SLC4A8: variants seen among roughly 807,000 people sequenced by gnomAD.
SLC4A8 encodes the protein electroneutral sodium bicarbonate exchanger 1.
Under a neutral mutation model 125.0 loss-of-function variants are expected in SLC4A8, and 40 were observed. That is an observed-to-expected ratio of 0.32 (90% CI 0.25 to 0.42). SLC4A8 has a LOEUF of 0.42. Ranked by LOEUF, SLC4A8 falls within the 10% of genes least tolerant of loss-of-function variation. The pLI is 1.00. For synonymous variants in SLC4A8, 456 were observed against 476.0 expected, an observed-to-expected ratio of 0.96 and a Z score of 0.55; for missense variants, 863 against 1,355.1, an observed-to-expected ratio of 0.64 and a Z score of 5.70.
intron 5 of SLC4A8, 64 bp downstream of exon 5, chr12:51,453,763 G>A: frequency 1.3e-6 from 2 of 1,489,542 alleles, no homozygotes; most frequent in Admixed American, 1.8e-5. Flanking sequence ...GGGAAAAAAG[G>A]AGTGTGGCGT....
chr12:51,469,811 A>G (rs1260650102), intron 12 of SLC4A8, 23 bp downstream of exon 12: 3 of 1,611,262 alleles, frequency 1.9e-6, no homozygotes, highest in Admixed American at 3.3e-5. Context: ...AACCACTTCT[A>G]ATGATCCCAA....
intron 1 of SLC4A8, among the ~76,000 whole-genome samples, chr12:51,429,709 A>G (rs55917660): frequency 0.073 from 11,110 of 151,300 alleles, 503 homozygotes; most frequent in East Asian, 0.21. Context: ...GAGTCTCACT[A>G]TGTTGCCTGG....
intron 1 of SLC4A8, among the ~76,000 whole-genome samples, chr12:51,414,048 C>T (rs1249846181): frequency 6.6e-6 from 1 of 152,082 alleles, no homozygotes; most frequent in Non-Finnish European, 1.5e-5. Flanking sequence ...TCTTCCCATC[C>T]ATGAGCAGGA....
At chr12:51,472,053 C>T (rs1032597564) in intron 14 of SLC4A8, among the ~76,000 whole-genome samples, 6 of 152,154 alleles carry the variant, frequency 3.9e-5, no homozygotes, top group Non-Finnish European at 8.8e-5. Context: ...GATCCAGGAG[C>T]CTACTTACTT....
intron 2 of SLC4A8, among the ~76,000 whole-genome samples, chr12:51,447,139 G>A (rs1444224801): frequency 2.0e-5 from 3 of 151,166 alleles, no homozygotes; most frequent in African/African-American, 7.3e-5. Context: ...CGGTGGTAAT[G>A]ATCATAGCTC....
intron 1 of SLC4A8, among the ~76,000 whole-genome samples, chr12:51,437,674 A>T (rs1005543768): frequency 5.3e-5 from 8 of 152,240 alleles, no homozygotes; most frequent in African/African-American, 1.9e-4. Flanking sequence ...TTTTCTTAAT[A>T]AATTACCCAG....
chr12:51,402,124 G>T (rs977116523), intron 1 of SLC4A8, among the ~76,000 whole-genome samples: 1 of 152,124 alleles, frequency 6.6e-6, no homozygotes, highest in African/African-American at 2.4e-5. Context: ...TGATATATGT[G>T]TGTTATGCAA....
intron 1 of SLC4A8, among the ~76,000 whole-genome samples, chr12:51,411,309 T>C (rs1279713996): frequency 6.6e-6 from 1 of 152,070 alleles, no homozygotes; most frequent in Non-Finnish European, 1.5e-5. Context: ...TTCTTTAGGC[T>C]GGGTGCAGTG....
intron 11 of SLC4A8, among the ~76,000 whole-genome samples, chr12:51,468,115 T>C (rs1950576833): frequency 6.6e-6 from 1 of 152,240 alleles, no homozygotes; most frequent in South Asian, 2.1e-4. Flanking sequence ...TGCTATAAAA[T>C]GCCGAGTGGC....
At chr12:51,477,857 G>A (rs1433721483) in intron 16 of SLC4A8, among the ~76,000 whole-genome samples, 1 of 152,204 alleles carries the variant, frequency 6.6e-6, no homozygotes, top group African/African-American at 2.4e-5. Flanking sequence ...GGCCAGGCAT[G>A]GTGGCTTACA....
rs1302713555 is a variant in SLC4A8 at position 51,494,954 on chromosome 12, C to T, written c.2779C>T (p.Arg927Cys). The T allele has an allele frequency of 4.3e-6, 7 of 1,612,580 alleles. No homozygotes were observed. Among genetic ancestry groups the T allele is most frequent in the East Asian group, 2.2e-5 (1 of 44,854 alleles). Residue 927 changes from arginine (R) to cysteine (C), a missense_variant, in exon 21 of 25, where the codon CGT becomes TGT. Coordinates refer to ENST00000453097, the MANE Select transcript of SLC4A8 (RefSeq NM_001039960.3). ...SSLQGIQFFDRLKLFGMPAKH... is the reference protein window; with the variant it reads ...SSLQGIQFFDCLKLFGMPAKH... ...AGTTCCTTCCTTTCAGTTCTTTGATCGTCTAAAGCTCTTTGGGATGCCCGC... is the reference window on the plus strand; with the variant it reads ...AGTTCCTTCCTTTCAGTTCTTTGATTGTCTAAAGCTCTTTGGGATGCCCGC...
intron 22 of SLC4A8, among the ~76,000 whole-genome samples, chr12:51,503,402 G>A (rs1415375886): frequency 5.3e-5 from 8 of 150,414 alleles, no homozygotes; most frequent in African/African-American, 1.5e-4. Context: ...TAGTAGGAAC[G>A]AGGTTTCACC....
intron 9 of SLC4A8, 107 bp from the exon 10 acceptor site, chr12:51,462,203 A>G (rs1950348792): frequency 9.7e-7 from 1 of 1,031,184 alleles, no homozygotes; most frequent in Admixed American, 1.8e-5. Flanking sequence ...GATCCCCGTG[A>G]CAGAGATAAA....
chr12:51,499,260 A>C (rs988951109), intron 22 of SLC4A8, among the ~76,000 whole-genome samples: 1 of 152,220 alleles, frequency 6.6e-6, no homozygotes, highest in African/African-American at 2.4e-5. Context: ...AAAATGGAGC[A>C]TACAGTAAGA....
chr12:51,391,773 G>C (rs1565743252), intron 1 of SLC4A8: 1 of 152,256 alleles, frequency 6.6e-6, no homozygotes, highest in Non-Finnish European at 1.5e-5. Context: ...AGCCTGCTGC[G>C]GGCCCGGGAA....
At chr12:51,497,510 G>T in intron 22 of SLC4A8, 1 of 164,722 alleles carries the variant, frequency 6.1e-6, no homozygotes, top group Non-Finnish European at 1.3e-5. Context: ...TGCTGTGGTT[G>T]GCACCATGCA....
intron 2 of SLC4A8, among the ~76,000 whole-genome samples, chr12:51,445,407 A>T (rs901133735): frequency 2.0e-5 from 3 of 152,066 alleles, no homozygotes; most frequent in African/African-American, 7.2e-5. Context: ...AATGCAAGTG[A>T]TCCTCCTTCC....
intron 2 of SLC4A8, among the ~76,000 whole-genome samples, chr12:51,447,644 A>G (rs1255153206): frequency 6.6e-6 from 1 of 151,754 alleles, no homozygotes; most frequent in Non-Finnish European, 1.5e-5. Flanking sequence ...GCTGAGGTAC[A>G]TGGCAGTTAT....
chr12:51,416,127 T>C (rs1008740305), intron 1 of SLC4A8, among the ~76,000 whole-genome samples: 3 of 151,810 alleles, frequency 2.0e-5, no homozygotes, highest in African/African-American at 4.8e-5. Flanking sequence ...TCTGTACCTT[T>C]GGCATTTTGC....
Sources: gnomAD v4.1 joint callset for allele counts (sites outside exome capture counted in the v4.1 genomes callset) on GRCh38, gnomAD v4.1.1 for gene constraint, MANE v1.5 for transcripts, NCBI Gene and HGNC (gene_info 2026-07-23, HGNC 2026-07-21) for gene names.